Variants in ANKLE2 observed in about 807,000 individuals in gnomAD.
ANKLE2 encodes the protein ankyrin repeat and LEM domain-containing protein 2.
Under a neutral mutation model 84.2 loss-of-function variants are expected in ANKLE2, and 55 were observed. That is an observed-to-expected ratio of 0.65 (90% CI 0.53 to 0.82). ANKLE2 has a LOEUF of 0.82. Among genes scored for constraint, ANKLE2 ranks in the 40% least tolerant of loss-of-function variants. The pLI, the probability that ANKLE2 is intolerant of heterozygous loss-of-function variation, is 0.00. For synonymous variants in ANKLE2, 551 were observed against 486.1 expected, an observed-to-expected ratio of 1.13 and a Z score of -1.76; for missense variants, 1,238 against 1,201.9, an observed-to-expected ratio of 1.03 and a Z score of -0.44.
intron 12 of ANKLE2, 58 bp downstream of exon 12, chr12:132,727,974 C>T: frequency 6.4e-7 from 1 of 1,559,008 alleles, no homozygotes; most frequent in Non-Finnish European, 8.6e-7. Flanking sequence ...GGAACTGGAC[C>T]CTGCAGAAGT....
chr12:132,732,635 C>CGT (rs201968206), intron 10 of ANKLE2, among the ~76,000 whole-genome samples: 16 of 68,382 alleles, frequency 2.3e-4, no homozygotes, highest in South Asian at 5.2e-4. Context: ...TGATACGCAC[C>CGT]GTGAAGCGCT....
intron 7 of ANKLE2, 58 bp from the exon 8 acceptor site, chr12:132,737,123 G>T (rs2136127634): frequency 3.3e-6 from 5 of 1,523,062 alleles, no homozygotes; most frequent in Non-Finnish European, 4.4e-6. Flanking sequence ...GGTCAGGCCT[G>T]GGTGAGCAGG....
intron 2 of ANKLE2, among the ~76,000 whole-genome samples, chr12:132,753,428 C>T (rs781223066): frequency 3.3e-5 from 5 of 151,840 alleles, no homozygotes; most frequent in Non-Finnish European, 5.9e-5. Flanking sequence ...GAGGGCAGTT[C>T]GAGAGAAGCG....
At chr12:132,753,052 G>A (rs1453814124) in intron 2 of ANKLE2, among the ~76,000 whole-genome samples, 5 of 151,940 alleles carry the variant, frequency 3.3e-5, no homozygotes, top group Admixed American at 2.0e-4. Flanking sequence ...GCTCACGCCT[G>A]TAATCCCAGC....
At chr12:132,733,743 G>A (rs184920859) in intron 10 of ANKLE2, among the ~76,000 whole-genome samples, 4 of 152,156 alleles carry the variant, frequency 2.6e-5, no homozygotes, top group East Asian at 1.9e-4. Flanking sequence ...CGTGCAAGGC[G>A]CTTCGTGCCC....
intron 7 of ANKLE2, among the ~76,000 whole-genome samples, chr12:132,739,867 G>A (rs923187521): frequency 2.6e-5 from 4 of 152,228 alleles, no homozygotes; most frequent in Non-Finnish European, 5.9e-5. Flanking sequence ...CAGGAAGGAG[G>A]TGTAGGAGCT....
intron 9 of ANKLE2, chr12:132,734,901 G>T: frequency 3.0e-6 from 1 of 331,692 alleles, no homozygotes; most frequent in South Asian, 3.8e-5. Context: ...TCATGATCAC[G>T]GAACAGCCCT....
chr12:132,751,473 T>A (rs1566033952), intron 2 of ANKLE2: 1 of 152,156 alleles, frequency 6.6e-6, no homozygotes, highest in Non-Finnish European at 1.5e-5. Context: ...ACTCCTGACC[T>A]CAGGTGATCT....
At chr12:132,728,468 T>C (rs1279357227) in intron 11 of ANKLE2, among the ~76,000 whole-genome samples, 1 of 152,194 alleles carries the variant, frequency 6.6e-6, no homozygotes, top group African/African-American at 2.4e-5. Context: ...GACCTTGTGA[T>C]CCACCCACCT....
chr12:132,729,861 G>C lies in ANKLE2; in HGVS notation c.2301C>G (p.Ile767Met). ...CTAACAAGTCTCTTTCTACTGCATT[G>C]ATTCTTGAAGTCAGGATCTGATCTT... ...KTKDQILTSR[I>M]NAVERDLLEP... The change falls in exon 11 of 13, where the codon ATC becomes ATG. Residue 767 changes from isoleucine to methionine, a missense_variant. Around this residue, in one of 3 missense-constraint regions of ANKLE2, gnomAD observed 802 missense variants for 774.5 expected, o/e 1.04. Coordinates refer to ENST00000357997, the MANE Select transcript of ANKLE2 (RefSeq NM_015114.3). 2.5e-6 allele frequency: 4 copies of C among 1,613,616 alleles called. No individual in the cohort carries two copies. Among genetic ancestry groups the C allele is most frequent in the Non-Finnish European group, 3.4e-6 (4 of 1,179,848 alleles).
Position 132,748,130 on chromosome 12 carries a change from A to G in ANKLE2, c.1041+8T>C, listed in dbSNP as rs1367128260. 2 of 1,612,008 alleles carry G rather than the reference A, an allele frequency of 1.2e-6. No individual in the cohort carries two copies. The highest frequency in any genetic ancestry group is 1.7e-6 in the Non-Finnish European group (2 of 1,178,560). On this transcript the variant is annotated splice_region_variant and intron_variant, in intron 4 of 12. Transcript: ENST00000357997. ...GCACACCTGCCCGAGGGAACCGCCG[A>G]GACCTACCTGCACGATAGTGGGGTT...
intron 8 of ANKLE2, 73 bp downstream of exon 8, chr12:132,736,820 C>T: frequency 3.4e-6 from 5 of 1,491,166 alleles, no homozygotes; most frequent in Middle Eastern, 1.8e-4. Flanking sequence ...CACAAGGCAA[C>T]AGGCTGGAAC....
rs1243733549 is a variant in ANKLE2 at position 132,727,190 on chromosome 12, T to C, written c.*52A>G. 6.8e-7 allele frequency: 1 copy of C among 1,466,628 alleles called. No individual in the cohort carries two copies. 90.9% of individuals were successfully genotyped at this position (1,466,628 alleles called of 1,614,324 possible). ...TTTTGACAGTTTAGCAATAAACATA[T>C]GACCCTTCCTTCTTTAAAAATGAAG... On this transcript the variant is annotated 3_prime_UTR_variant, in exon 13 of 13. Coordinates refer to ENST00000357997, the MANE Select transcript of ANKLE2 (RefSeq NM_015114.3).
intron 11 of ANKLE2, 27 bp from the exon 12 acceptor site, chr12:132,728,190 A>G (rs762639774): frequency 1.8e-5 from 29 of 1,603,080 alleles, no homozygotes; most frequent in African/African-American, 2.7e-5. Flanking sequence ...AAGAAGCAAA[A>G]ACATCTTTGG....
rs2043801700 is a variant in ANKLE2 at position 132,729,866 on chromosome 12, T to G, written c.2296A>C (p.Arg766=). The G allele has an allele frequency of 6.2e-7, 1 of 1,613,710 alleles. No individual in the cohort carries two copies. The highest frequency in any genetic ancestry group is 8.5e-7 in the Non-Finnish European group (1 of 1,179,868). The change falls in exon 11 of 13, where the codon AGA becomes CGA. Residue 766 remains arginine (R), a synonymous_variant. Coordinates refer to ENST00000357997, the MANE Select transcript of ANKLE2 (RefSeq NM_015114.3). ...TKTKDQILTS[R]INAVERDLLE... ...AAGTCTCTTTCTACTGCATTGATTCTTGAAGTCAGGATCTGATCTTTAGTT... is the reference window on the plus strand; with the variant it reads ...AAGTCTCTTTCTACTGCATTGATTCGTGAAGTCAGGATCTGATCTTTAGTT...
rs907313251 is a variant in ANKLE2, at chr12:132,726,293, C to G, written c.*949G>C. ...GTCAAGGTGAAGGCTACAGTCAGCA[C>G]GGCAAGAAACCAAGATGGGACTCAA... On this transcript the variant is annotated 3_prime_UTR_variant, in exon 13 of 13. Coordinates refer to ENST00000357997, the MANE Select transcript of ANKLE2 (RefSeq NM_015114.3). 5 of 152,798 alleles carry G rather than the reference C, an allele frequency of 3.3e-5. No homozygotes were observed. Among genetic ancestry groups the G allele is most frequent in the African/African-American group, 9.7e-5 (4 of 41,446 alleles). 9.5% of individuals were successfully genotyped at this position (152,798 alleles called of 1,614,324 possible).
chr12:132,753,344 A>C (rs1017246840), intron 2 of ANKLE2, among the ~76,000 whole-genome samples: 1 of 151,914 alleles, frequency 6.6e-6, no homozygotes, highest in Non-Finnish European at 1.5e-5. Context: ...CACCAAAAAC[A>C]ACCAATTAGC....
chr12:132,741,601 A>G, intron 6 of ANKLE2, 116 bp from the exon 7 acceptor site: 2 of 994,156 alleles, frequency 2.0e-6, no homozygotes, highest in Non-Finnish European at 3.1e-6. Context: ...TCTTAATGCT[A>G]AAGATTTAAT....
chr12:132,743,062 T>C lies in ANKLE2; in HGVS notation c.1353+92A>G. 7.8e-7 allele frequency: 1 copy of C among 1,280,688 alleles called. No individual in the cohort carries two copies. Among genetic ancestry groups the C allele is most frequent in the Non-Finnish European group, 1.1e-6 (1 of 949,748 alleles). 79.3% of individuals were successfully genotyped at this position (1,280,688 alleles called of 1,614,324 possible). ...CAAACACAACTCATACAGAGCTCCT[T>C]GTGGCTTCCCTGTGCCTGTGATCAC... On this transcript the variant is annotated intron_variant, in intron 6 of 12. Coordinates refer to ENST00000357997, the MANE Select transcript of ANKLE2 (RefSeq NM_015114.3). The surrounding 1 kb of genome is among the most constrained non-coding windows in gnomAD (Gnocchi z 4.1).
Sources: allele counts gnomAD v4.1 joint callset (sites outside exome capture counted in the v4.1 genomes callset), GRCh38; gene constraint gnomAD v4.1.1; regional missense constraint gnomAD v4.1.1; non-coding constraint Gnocchi (gnomAD v3.1); transcripts MANE v1.5; gene names NCBI Gene and HGNC (gene_info 2026-07-23, HGNC 2026-07-21).